The following AUTS2 variants were observed in gnomAD, a reference collection of about 807,000 sequenced individuals.
The protein encoded by AUTS2 is activator of transcription and developmental regulator AUTS2.
Under a neutral mutation model 112.4 loss-of-function variants are expected in AUTS2, and 17 were observed. That is an observed-to-expected ratio of 0.15 (90% confidence interval 0.10 to 0.23). The LOEUF is 0.23. AUTS2 is among the 10% of genes least tolerant of loss of function. AUTS2 has a pLI of 1.00. For synonymous variants in AUTS2, 751 were observed against 702.7 expected (o/e 1.07, Z -1.09); for missense variants, 1,510 against 1,701.6 (o/e 0.89, Z 1.98).
intron 4 of AUTS2, among the ~76,000 whole-genome samples, chr7:70,224,188 G>C (rs1005326756): frequency 6.6e-6 from 1 of 152,070 alleles, no homozygotes; most frequent in African/African-American, 2.4e-5. Flanking sequence ...GATGGTGTGT[G>C]CCTGTAGACT....
intron 1 of AUTS2, among the ~76,000 whole-genome samples, chr7:69,772,182 T>G (rs1203677022): frequency 6.6e-6 from 1 of 152,216 alleles, no homozygotes; most frequent in African/African-American, 2.4e-5. Flanking sequence ...CATCCAAAAT[T>G]GTTACCTTGT....
At chr7:70,216,129 A>G (rs945225807) in intron 4 of AUTS2, among the ~76,000 whole-genome samples, 1 of 152,216 alleles carries the variant, frequency 6.6e-6, no homozygotes, top group Non-Finnish European at 1.5e-5. Flanking sequence ...ACTCTGTAAC[A>G]TTTTAATAGT....
intron 1 of AUTS2, among the ~76,000 whole-genome samples, chr7:69,893,650 C>T (rs1794618305): frequency 6.6e-6 from 1 of 152,166 alleles, no homozygotes; most frequent in South Asian, 2.1e-4. Flanking sequence ...GACACATATA[C>T]CACAAATACT....
intron 14 of AUTS2, among the ~76,000 whole-genome samples, chr7:70,777,763 T>C (rs1790802444): frequency 6.6e-6 from 1 of 152,224 alleles, no homozygotes; most frequent in Non-Finnish European, 1.5e-5. Context: ...GTCTTGAATA[T>C]GGATTAAATG....
At chr7:70,083,684 C>T (rs1480819351) in intron 2 of AUTS2, among the ~76,000 whole-genome samples, 1 of 152,152 alleles carries the variant, frequency 6.6e-6, no homozygotes, top group Non-Finnish European at 1.5e-5. Flanking sequence ...TGATGGCTTA[C>T]ACCTGTAATC....
intron 2 of AUTS2, among the ~76,000 whole-genome samples, chr7:70,009,970 T>C (rs1032032861): frequency 3.9e-5 from 6 of 152,204 alleles, no homozygotes; most frequent in African/African-American, 1.4e-4. Flanking sequence ...GAGTGACACA[T>C]GTCAAAATGT....
In AUTS2 at chr7:70,563,258, G is replaced by A. The variant is rs139581727; in HGVS notation, c.690+127477G>A. Among the ~76,000 whole-genome samples, 401 of 152,268 alleles carry A rather than the reference G, an allele frequency of 2.6e-3. 5 individuals carry two copies. The highest frequency in any genetic ancestry group is 8.8e-3 in the African/African-American group (367 of 41,552). On this transcript the variant is annotated intron_variant, in intron 5 of 18. Coordinates refer to ENST00000342771, the MANE Select transcript of AUTS2 (RefSeq NM_015570.4). The stretch of plus-strand genomic sequence containing the variant: ...AACTGGGGGTCCTCCCTCGTAGTGA[G>A]GGTATTCTCTGAAAGTATGAAAAAT...
At chr7:69,696,892 A>G (rs142117461) in intron 1 of AUTS2, among the ~76,000 whole-genome samples, 1 of 152,364 alleles carries the variant, frequency 6.6e-6, no homozygotes, top group East Asian at 1.9e-4. Flanking sequence ...ATATGTAATT[A>G]ATTAACACCA....
Position 70,712,193 on chromosome 7 carries a change from C to CTTT in AUTS2, c.742+13605_742+13607dup, listed in dbSNP as rs67326941. 2.1e-3 allele frequency among the ~76,000 whole-genome samples: 94 copies of CTTT among 45,180 alleles called. 11 individuals carry two copies. Among genetic ancestry groups the CTTT allele is most frequent in the African/African-American group, 4.0e-3 (41 of 10,194 alleles). The allele number at this position is 45,180 out of a possible 152,430, so 29.6% of individuals were successfully genotyped here. On this transcript the variant is annotated intron_variant, in intron 6 of 18. Transcript: ENST00000342771. ...GGCACAAGCCACCATGCCTGGCTCA[C>CTTT]TTTTTTTTTTTTTTTTTTTTTTTTT... is the stretch of plus-strand genomic sequence containing the variant.
At chr7:70,643,742 T>C (rs1050913831) in intron 5 of AUTS2, among the ~76,000 whole-genome samples, 9 of 152,206 alleles carry the variant, frequency 5.9e-5, no homozygotes, top group Admixed American at 2.6e-4. Context: ...ACTAATTGAA[T>C]GTATCATCTC....
intron 1 of AUTS2, among the ~76,000 whole-genome samples, chr7:69,807,529 T>A (rs1047119297): frequency 2.0e-5 from 3 of 152,196 alleles, no homozygotes; most frequent in South Asian, 4.1e-4. Context: ...AGGTCATTGC[T>A]CTTCCTTAGA....
intron 2 of AUTS2, among the ~76,000 whole-genome samples, chr7:69,946,671 T>G (rs1310024115): frequency 6.6e-6 from 1 of 152,050 alleles, no homozygotes; most frequent in East Asian, 1.9e-4. Context: ...TATTTAGCCA[T>G]AAATAATGAA....
At chr7:70,372,230 T>G (rs1234578849) in intron 4 of AUTS2, among the ~76,000 whole-genome samples, 2 of 152,270 alleles carry the variant, frequency 1.3e-5, no homozygotes, top group African/African-American at 2.4e-5. Flanking sequence ...CATGTTCTGA[T>G]GCCAACCTGG....
At chr7:70,354,027 A>C (rs1791881324) in intron 4 of AUTS2, among the ~76,000 whole-genome samples, 1 of 152,256 alleles carries the variant, frequency 6.6e-6, no homozygotes, top group African/African-American at 2.4e-5. Flanking sequence ...TGCAATTATC[A>C]GCTCTTTACC....
intron 5 of AUTS2, among the ~76,000 whole-genome samples, chr7:70,583,745 G>C (rs570519066): frequency 6.6e-6 from 1 of 152,336 alleles, no homozygotes; most frequent in African/African-American, 2.4e-5. Context: ...GAGCAACTCT[G>C]TCCTTCTGGG....
chr7:70,654,005 T>C (rs1358923963), intron 5 of AUTS2, among the ~76,000 whole-genome samples: 2 of 152,210 alleles, frequency 1.3e-5, no homozygotes, highest in Non-Finnish European at 2.9e-5. Context: ...CCTTGCATTG[T>C]GATTTGTCTT....
chr7:69,875,953 A>G (rs1410136447), intron 1 of AUTS2, among the ~76,000 whole-genome samples: 1 of 152,100 alleles, frequency 6.6e-6, no homozygotes, highest in East Asian at 1.9e-4. Flanking sequence ...CTGATTTCAG[A>G]TTTGTGTTTT....
intron 4 of AUTS2, among the ~76,000 whole-genome samples, chr7:70,173,347 C>A (rs1390828671): frequency 1.4e-5 from 2 of 146,506 alleles, no homozygotes; most frequent in African/African-American, 5.1e-5. Context: ...GGCAACAGAG[C>A]GGGACCCCGT....
At chr7:70,302,556 T>G (rs1428208246) in intron 4 of AUTS2, among the ~76,000 whole-genome samples, 1 of 150,450 alleles carries the variant, frequency 6.6e-6, no homozygotes, top group Non-Finnish European at 1.5e-5. Flanking sequence ...CTCTCCTCTC[T>G]ATCCCCCAAA....
Sources: allele counts gnomAD v4.1 joint callset (sites outside exome capture counted in the v4.1 genomes callset), GRCh38; gene constraint gnomAD v4.1.1; transcripts MANE v1.5; gene names NCBI Gene and HGNC (gene_info 2026-07-23, HGNC 2026-07-21).